Variants in STK39 observed in about 807,000 individuals in gnomAD.
STK39 encodes STE20/SPS1-related proline-alanine-rich protein kinase.
In STK39, 20 loss-of-function variants were observed where a neutral mutation model predicts 77.8. That is an observed-to-expected ratio of 0.26 (90% CI 0.18 to 0.37). The LOEUF is 0.37. STK39 is among the 10% of genes least tolerant of loss of function. The pLI is 1.00. For missense variants in STK39, 479 were observed against 656.5 expected, an observed-to-expected ratio of 0.73 and a Z score of 2.95; for synonymous variants, 246 against 234.1, an observed-to-expected ratio of 1.05 and a Z score of -0.47.
rs1215638882 is a variant in STK39 at position 168,242,561 on chromosome 2, ATATATATATATATATAT to A, written c.208+4650_208+4666del. Among the ~76,000 whole-genome samples, 47 of 68,270 alleles carry A rather than the reference ATATATATATATATATAT, an allele frequency of 6.9e-4. 4 individuals are homozygous for A. Among genetic ancestry groups the A allele is most frequent in the East Asian group, 4.2e-3 (8 of 1,898 alleles). 44.8% of individuals were successfully genotyped at this position (68,270 alleles called of 152,430 possible). A position where few individuals can be genotyped will look rare whatever the true frequency, so the allele number is the denominator to read the frequency against. The stretch of plus-strand genomic sequence containing the variant: ...AAGACTCTTACAAAAAAAAAAAAAA[ATATATATATATATATAT>A]ATATATATATATATATATAAAGAGG... On this transcript the variant is annotated intron_variant, in intron 1 of 17. Transcript: ENST00000355999.
intron 1 of STK39, among the ~76,000 whole-genome samples, chr2:168,209,996 CAA>C (rs71003026): frequency 2.2e-4 from 12 of 55,664 alleles, no homozygotes; most frequent in Non-Finnish European, 3.0e-4. Context: ...GACTCTATCT[CAA>C]AAAAAAAAAA....
At chr2:168,149,604 C>T (rs1394584317) in intron 5 of STK39, among the ~76,000 whole-genome samples, 2 of 152,244 alleles carry the variant, frequency 1.3e-5, no homozygotes, top group Non-Finnish European at 2.9e-5. Context: ...TCAGTCTAGC[C>T]ACACTGATTC....
At chr2:168,056,614 A>G (rs1685534116) in intron 14 of STK39, among the ~76,000 whole-genome samples, 1 of 152,220 alleles carries the variant, frequency 6.6e-6, no homozygotes, top group Non-Finnish European at 1.5e-5. Flanking sequence ...GCAGCCACGC[A>G]TCACATTGAG....
chr2:168,047,286 TAC>T (rs911090678), intron 14 of STK39, among the ~76,000 whole-genome samples: 2 of 152,252 alleles, frequency 1.3e-5, no homozygotes, highest in African/African-American at 4.8e-5. Flanking sequence ...CTGTGTGATT[TAC>T]AATGTTAGAG....
intron 10 of STK39, among the ~76,000 whole-genome samples, chr2:168,116,594 A>G (rs955557655): frequency 1.3e-5 from 2 of 152,036 alleles, no homozygotes; most frequent in African/African-American, 4.8e-5. Context: ...AAACAAGCAG[A>G]CTCCCGACCC....
chr2:168,055,134 A>G (rs1230086556), intron 14 of STK39, among the ~76,000 whole-genome samples: 1 of 152,246 alleles, frequency 6.6e-6, no homozygotes, highest in Non-Finnish European at 1.5e-5. Context: ...CACTATGCCT[A>G]CACTATTTAA....
intron 17 of STK39, among the ~76,000 whole-genome samples, chr2:167,957,957 G>A (rs1007443394): frequency 3.3e-5 from 5 of 152,140 alleles, no homozygotes; most frequent in African/African-American, 1.2e-4. Flanking sequence ...CTGTCTCCTG[G>A]CCAGGACCTT....
chr2:167,980,750 GTTGTT>G (rs1199844307), intron 16 of STK39, among the ~76,000 whole-genome samples: 3 of 104,542 alleles, frequency 2.9e-5, no homozygotes, highest in South Asian at 2.5e-4. Flanking sequence ...ATTTCTTGTT[GTTGTT>G]TTTTTTTTTT....
intron 2 of STK39, among the ~76,000 whole-genome samples, chr2:168,172,383 GT>G (rs1320604098): frequency 6.6e-6 from 1 of 152,104 alleles, no homozygotes; most frequent in Non-Finnish European, 1.5e-5. Flanking sequence ...AGGTCATTTG[GT>G]CATGAATTTT....
chr2:168,153,323 T>G (rs930158761), intron 5 of STK39, among the ~76,000 whole-genome samples: 1 of 152,142 alleles, frequency 6.6e-6, no homozygotes, highest in African/African-American at 2.4e-5. Context: ...GACTTTTAAG[T>G]TGGGGCAGGA....
In STK39 at chr2:167,994,092, A is replaced by G. The variant is rs748185059; in HGVS notation, c.1498+18542T>C. Among the ~76,000 whole-genome samples, 30 of 152,244 alleles carry G rather than the reference A, an allele frequency of 2.0e-4. 1 individual carries two copies. The highest frequency in any genetic ancestry group is 1.5e-5 in the Non-Finnish European group (1 of 68,044). The stretch of plus-strand genomic sequence containing the variant: ...TCTTATACCAACCAGTGAACAGTTT[A>G]AGTAATGTAAAGGAAGTACATATCG... On this transcript the variant is annotated intron_variant, in intron 16 of 17. Transcript: ENST00000355999.
intron 1 of STK39, among the ~76,000 whole-genome samples, chr2:168,226,230 C>T (rs1690301354): frequency 6.6e-6 from 1 of 152,176 alleles, no homozygotes; most frequent in Admixed American, 6.5e-5. Context: ...TTTCCTGCTG[C>T]TGAGGTCTTA....
intron 1 of STK39, among the ~76,000 whole-genome samples, chr2:168,205,526 C>T (rs1024611472): frequency 1.1e-4 from 17 of 152,164 alleles, no homozygotes; most frequent in Non-Finnish European, 2.4e-4. Flanking sequence ...TATATATGGG[C>T]TGGCACAGTG....
intron 16 of STK39, among the ~76,000 whole-genome samples, chr2:167,987,898 T>A (rs986887797): frequency 3.3e-5 from 5 of 152,294 alleles, no homozygotes; most frequent in East Asian, 1.9e-4. Context: ...GGTAACATAT[T>A]TACTGAGATT....
chr2:168,242,560 A>AAAAAATATAT (rs1296747890), intron 1 of STK39, among the ~76,000 whole-genome samples: 1 of 44,864 alleles, frequency 2.2e-5, no homozygotes. Context: ...AAAAAAAAAA[A>AAAAAATATAT]ATATATATAT....
intron 2 of STK39, among the ~76,000 whole-genome samples, chr2:168,176,337 A>C (rs55661963): frequency 0.071 from 10,757 of 151,558 alleles, 410 homozygotes; most frequent in African/African-American, 0.076. Context: ...GAAAAAAAAA[A>C]CCTTCTGACT....
chr2:168,144,018 A>G (rs2122082), intron 5 of STK39, among the ~76,000 whole-genome samples: 57,873 of 151,978 alleles, frequency 0.38, 11,943 homozygotes, highest in East Asian at 0.67. Context: ...TTGGTGAGTA[A>G]TTTGATGTGC....
intron 1 of STK39, among the ~76,000 whole-genome samples, chr2:168,230,551 T>C (rs2105259472): frequency 6.6e-6 from 1 of 152,264 alleles, no homozygotes; most frequent in Middle Eastern, 3.4e-3. Context: ...CAAACCCAAA[T>C]TGCTAACTTG....
At chr2:168,078,610 C>A (rs1686143813) in intron 10 of STK39, among the ~76,000 whole-genome samples, 1 of 152,156 alleles carries the variant, frequency 6.6e-6, no homozygotes, top group South Asian at 2.1e-4. Context: ...TCTACGATAG[C>A]ATCCTAAATG....
Sources: gnomAD v4.1 joint callset for allele counts (sites outside exome capture counted in the v4.1 genomes callset) on GRCh38, gnomAD v4.1.1 for gene constraint, MANE v1.5 for transcripts, NCBI Gene and HGNC (gene_info 2026-07-23, HGNC 2026-07-21) for gene names.